Variants in WDR72 observed in about 807,000 individuals in gnomAD.
WDR72 encodes WD repeat-containing protein 72.
WDR72 carries 120 observed loss-of-function variants against 124.2 expected under a neutral mutation model. That is an observed-to-expected ratio of 0.97 (90% CI 0.83 to 1.12). WDR72 has a LOEUF of 1.12. Ranked by LOEUF, WDR72 falls within the 50% of genes most tolerant of loss-of-function variation. The pLI, the probability that WDR72 is intolerant of heterozygous loss-of-function variation, is 0.00. For synonymous variants in WDR72, 452 were observed against 441.7 expected, an observed-to-expected ratio of 1.02 and a Z score of -0.29; for missense variants, 1,387 against 1,278.8, an observed-to-expected ratio of 1.08 and a Z score of -1.29.
At position 53,517,050 on chromosome 15, in the gene WDR72, G is replaced by A. The variant is rs535023044; in HGVS notation, c.*649C>T. Reference sequence around the variant, plus strand: ...TTGAGCTAAAGACATTAGCCTCAATGTCATTAGAAGTTCAAATTAACTCAA... The same window carrying A: ...TTGAGCTAAAGACATTAGCCTCAATATCATTAGAAGTTCAAATTAACTCAA... On this transcript the variant is annotated 3_prime_UTR_variant, in exon 20 of 20. Transcript: ENST00000360509. 4.6e-5 allele frequency: 7 copies of A among 152,650 alleles called. No individual in the cohort carries two copies. The highest frequency in any genetic ancestry group is 4.1e-4 in the South Asian group (2 of 4,848). 9.5% of individuals were successfully genotyped at this position (152,650 alleles called of 1,614,324 possible).
intron 18 of WDR72, among the ~76,000 whole-genome samples, chr15:53,574,775 T>A (rs953392098): frequency 1.3e-5 from 2 of 152,108 alleles, no homozygotes; most frequent in African/African-American, 2.4e-5. Context: ...TTCTATAAAA[T>A]AAATTAACAG....
intron 18 of WDR72, among the ~76,000 whole-genome samples, chr15:53,533,190 GC>G (rs1892575376): frequency 1.3e-5 from 2 of 152,092 alleles, no homozygotes; most frequent in Admixed American, 1.3e-4. Flanking sequence ...AATTGAAGAG[GC>G]CATCCAAAGG....
At chr15:53,656,367 A>G (rs1350796546) in intron 14 of WDR72, among the ~76,000 whole-genome samples, 1 of 152,160 alleles carries the variant, frequency 6.6e-6, no homozygotes, top group Non-Finnish European at 1.5e-5. Context: ...AGCTGGATGT[A>G]TTTTTTTAAT....
intron 14 of WDR72, among the ~76,000 whole-genome samples, chr15:53,621,886 C>G (rs550969194): frequency 6.6e-6 from 1 of 152,000 alleles, no homozygotes; most frequent in Non-Finnish European, 1.5e-5. Flanking sequence ...TGACAAAGCC[C>G]TAATATCCAG....
At chr15:53,747,458 A>C (rs113319960) in intron 1 of WDR72, among the ~76,000 whole-genome samples, 97 of 152,328 alleles carry the variant, frequency 6.4e-4, no homozygotes, top group Non-Finnish European at 1.1e-3. Context: ...TAGATAGAGA[A>C]TATCTTAGCA....
chr15:53,635,555 T>A (rs866342328), intron 14 of WDR72, among the ~76,000 whole-genome samples: 1 of 152,034 alleles, frequency 6.6e-6, no homozygotes, highest in Non-Finnish European at 1.5e-5. Context: ...TGCTGTTAAG[T>A]GGAAACCATT....
At chr15:53,606,539 T>C (rs1225305175) in intron 17 of WDR72, among the ~76,000 whole-genome samples, 1 of 152,038 alleles carries the variant, frequency 6.6e-6, no homozygotes, top group South Asian at 2.1e-4. Context: ...GAAGACAAAA[T>C]AAGCAAGCAA....
At chr15:53,761,819 C>T (rs1304204229), upstream of WDR72, among the ~76,000 whole-genome samples, 2 of 13,498 alleles carry the variant, frequency 1.5e-4, no homozygotes, top group Non-Finnish European at 6.5e-4. Context: ...ATGACTCTGT[C>T]AAAAACAAAA....
At chr15:53,736,603 T>C (rs1024921670) in intron 1 of WDR72, among the ~76,000 whole-genome samples, 1 of 152,124 alleles carries the variant, frequency 6.6e-6, no homozygotes, top group African/African-American at 2.4e-5. Flanking sequence ...CCAAGGAGGA[T>C]AGGAAGGCAT....
At chr15:53,677,486 C>A (rs689608) in intron 13 of WDR72, among the ~76,000 whole-genome samples, 14,477 of 152,166 alleles carry the variant, frequency 0.095, 1,845 homozygotes, top group African/African-American at 0.29. Flanking sequence ...CAAATTTTAG[C>A]TCTCATAATT....
At chr15:53,606,909 GT>G (rs988593431) in intron 17 of WDR72, among the ~76,000 whole-genome samples, 1 of 152,092 alleles carries the variant, frequency 6.6e-6, no homozygotes, top group Non-Finnish European at 1.5e-5. Context: ...ATGATAACAA[GT>G]TTTTATAGCC....
intron 1 of WDR72, among the ~76,000 whole-genome samples, chr15:53,740,660 A>C (rs992989301): frequency 6.6e-6 from 1 of 152,218 alleles, no homozygotes; most frequent in Non-Finnish European, 1.5e-5. Flanking sequence ...TCACTCATCT[A>C]TTCCCTACAA....
intron 13 of WDR72, among the ~76,000 whole-genome samples, chr15:53,678,518 C>A (rs1373390895): frequency 6.6e-6 from 1 of 152,140 alleles, no homozygotes; most frequent in Non-Finnish European, 1.5e-5. Context: ...ATCCTTATTT[C>A]TGTAGTTTAT....
intron 18 of WDR72, among the ~76,000 whole-genome samples, chr15:53,563,325 C>T (rs1894188875): frequency 6.6e-6 from 1 of 151,712 alleles, no homozygotes; most frequent in South Asian, 2.1e-4. Flanking sequence ...GTCTCTCTAC[C>T]TGGACTGAGT....
At position 53,516,935 on chromosome 15, in the gene WDR72, A is replaced by G. The variant is rs1431753639; in HGVS notation, c.*764T>C. 4 of 152,056 alleles carry G rather than the reference A, an allele frequency of 2.6e-5. No individual in the cohort carries two copies. The highest frequency in any genetic ancestry group is 2.0e-4 in the Admixed American group (3 of 15,244). The allele number at this position is 152,056 out of a possible 1,614,324, so 9.4% of individuals were successfully genotyped here. ...GCTTCTTTCTGGGAAAAGACCTACA[A>G]GAGTTTATACTTAATAAGGATCAAT... On this transcript the variant is annotated 3_prime_UTR_variant, in exon 20 of 20. Transcript: ENST00000360509.
chr15:53,532,027 A>C (rs1892503919), intron 18 of WDR72, among the ~76,000 whole-genome samples: 1 of 152,102 alleles, frequency 6.6e-6, no homozygotes, highest in South Asian at 2.1e-4. Flanking sequence ...CATTTAGAGG[A>C]AACACAACCC....
chr15:53,616,062 C>G lies in WDR72; in HGVS notation c.2144G>C (p.Arg715Thr). Residue 715 changes from arginine to threonine, a missense_variant, in exon 15 of 20, where the codon AGA (arginine) becomes ACA (threonine). Arg to Thr is a moderately conservative substitution (Grantham distance 71). Transcript: ENST00000360509. ...CTTCTTCTCCACTGTGCTCTTGGCTCTTCTCAGGACCTCACCACCATAGAA... is the reference window on the plus strand; with the variant it reads ...CTTCTTCTCCACTGTGCTCTTGGCTGTTCTCAGGACCTCACCACCATAGAA... Reference protein sequence around the residue: ...SSFYGGEVLRRAKSTVEKKTL... With the variant: ...SSFYGGEVLRTAKSTVEKKTL... 1 of 1,610,850 alleles carries G rather than the reference C, an allele frequency of 6.2e-7. No homozygotes were observed. Among genetic ancestry groups the G allele is most frequent in the Non-Finnish European group, 8.5e-7 (1 of 1,178,114 alleles).
At chr15:53,613,562 A>T (rs902729941) in intron 16 of WDR72, 104 bp downstream of exon 16, 2 of 777,136 alleles carry the variant, frequency 2.6e-6, no homozygotes, top group Middle Eastern at 2.5e-4. Context: ...TATGTTTTAT[A>T]TATGTTATTT....
intron 2 of WDR72, among the ~76,000 whole-genome samples, chr15:53,731,830 C>T (rs2140608993): frequency 6.6e-6 from 1 of 152,228 alleles, no homozygotes; most frequent in African/African-American, 2.4e-5. Context: ...TTACAGCATG[C>T]ACTCAACAAA....
Sources: gnomAD v4.1 joint callset for allele counts (sites outside exome capture counted in the v4.1 genomes callset) on GRCh38, gnomAD v4.1.1 for gene constraint, MANE v1.5 for transcripts, NCBI Gene and HGNC (gene_info 2026-07-23, HGNC 2026-07-21) for gene names.